Variants in LRRC9 observed in about 807,000 individuals in gnomAD.
LRRC9 encodes leucine-rich repeat-containing protein 9.
LRRC9 carries 122 observed loss-of-function variants against 63.2 expected under a neutral mutation model. That is an observed-to-expected ratio of 1.93 (90% CI 1.67 to 2.24). LRRC9 has a LOEUF of 2.24. Among genes scored for constraint, LRRC9 ranks in the 30% most tolerant of loss-of-function variants. The pLI is 0.00. For missense variants in LRRC9, 1,071 were observed against 627.7 expected (o/e 1.71, Z -7.55); for synonymous variants, 366 against 213.1 (o/e 1.72, Z -6.25).
rs1889817837 is a variant in LRRC9 at position 59,932,862 on chromosome 14, T to G, written c.543+823T>G. 6.6e-6 allele frequency among the ~76,000 whole-genome samples: 1 copy of G among 152,142 alleles called. No homozygotes were observed. ...ATGGAACCTTTAAAAATCTGTCAGA[T>G]AAAAATCACCCTTCTGCTTAAAACC... On this transcript the variant is annotated intron_variant, in intron 6 of 31. Coordinates refer to ENST00000445360, the Ensembl canonical transcript of LRRC9. The surrounding 1 kb of genome is among the most constrained non-coding windows in gnomAD (Gnocchi z 4.7).
chr14:60,030,417 T>C (rs762329533), intron 28 of LRRC9: 5 of 152,110 alleles, frequency 3.3e-5, no homozygotes, highest in Non-Finnish European at 5.9e-5. Context: ...GAAAGATTCA[T>C]TATTTAATTC....
intron 26 of LRRC9, among the ~76,000 whole-genome samples, chr14:60,022,150 G>T (rs1008450613): frequency 2.6e-5 from 4 of 151,584 alleles, no homozygotes; most frequent in Non-Finnish European, 5.9e-5. Context: ...TATTTATTTA[G>T]ATCTTTGTTA....
intron 16 of LRRC9, among the ~76,000 whole-genome samples, chr14:59,983,459 A>T (rs2140109431): frequency 6.6e-6 from 1 of 152,342 alleles, no homozygotes; most frequent in South Asian, 2.1e-4. Context: ...TGGAGCAAAT[A>T]TATATGTGAA....
intron 8 of LRRC9, among the ~76,000 whole-genome samples, chr14:59,947,003 G>C (rs1176900250): frequency 6.1e-5 from 9 of 146,948 alleles, no homozygotes; most frequent in Non-Finnish European, 6.0e-5. Flanking sequence ...ATGATTTATA[G>C]TCCTTTGGGT....
chr14:59,965,968 T>C (rs1369714935), intron 10 of LRRC9, among the ~76,000 whole-genome samples: 1 of 143,684 alleles, frequency 7.0e-6, no homozygotes, highest in East Asian at 2.1e-4. Context: ...GGTTTTGACT[T>C]AAGCTATCAG....
At chr14:59,988,725 C>G (rs1355457191) in intron 17 of LRRC9, among the ~76,000 whole-genome samples, 3 of 152,066 alleles carry the variant, frequency 2.0e-5, no homozygotes, top group Non-Finnish European at 4.4e-5. Flanking sequence ...GCTCTGTACA[C>G]TCTCCCTTTT....
At chr14:59,959,044 G>A (rs1884094577) in intron 8 of LRRC9, among the ~76,000 whole-genome samples, 1 of 152,160 alleles carries the variant, frequency 6.6e-6, no homozygotes, top group Non-Finnish European at 1.5e-5. Flanking sequence ...GACCAGAGAT[G>A]TTTCTATTCA....
chr14:59,928,939 G>A (rs1030829148), intron 3 of LRRC9, among the ~76,000 whole-genome samples: 4 of 151,888 alleles, frequency 2.6e-5, no homozygotes, highest in Admixed American at 1.3e-4. Context: ...ATGAATTAAG[G>A]ACTTAAATGT....
intron 10 of LRRC9, among the ~76,000 whole-genome samples, chr14:59,965,047 G>A (rs571007469): frequency 6.6e-6 from 1 of 152,280 alleles, no homozygotes; most frequent in South Asian, 2.1e-4. Flanking sequence ...GACCCTGGTT[G>A]ATTATGTAGG....
In LRRC9 at chr14:60,058,113, T is replaced by C. The variant is rs934200975; in HGVS notation, c.4276+91T>C. On this transcript the variant is annotated intron_variant, in intron 31 of 31. Coordinates refer to ENST00000445360, the Ensembl canonical transcript of LRRC9. This position sits in a 1 kb window ranked among gnomAD's most constrained non-coding sequence, Gnocchi z 4.4. ...ATTTCTAATAGTACTTAAAATTCCT[T>C]GTTTTTAACTTACATTTCCTAAAAT... 7 of 459,400 alleles carry C rather than the reference T, an allele frequency of 1.5e-5. No homozygotes were observed. In the East Asian group the frequency reaches 2.1e-4, roughly 14 times the overall value. 28.5% of individuals were successfully genotyped at this position (459,400 alleles called of 1,614,324 possible). A position where few individuals can be genotyped will look rare whatever the true frequency, so the allele number is the denominator to read the frequency against.
intron 28 of LRRC9, among the ~76,000 whole-genome samples, chr14:60,029,066 TC>T (rs1362802232): frequency 6.6e-6 from 1 of 152,078 alleles, no homozygotes; most frequent in Non-Finnish European, 1.5e-5. Flanking sequence ...ATTCAAACAT[TC>T]ATCTGAGAAA....
intron 10 of LRRC9, among the ~76,000 whole-genome samples, chr14:59,961,798 T>C (rs2139975285): frequency 6.6e-6 from 1 of 152,274 alleles, no homozygotes; most frequent in Non-Finnish European, 1.5e-5. Context: ...AAAATATTGT[T>C]AAGTATCACT....
intron 13 of LRRC9, 60 bp downstream of exon 13, chr14:59,974,768 A>T: frequency 1.8e-6 from 1 of 557,100 alleles, no homozygotes; most frequent in Non-Finnish European, 3.1e-6. Context: ...TTCATTAATT[A>T]TTTTTATATC....
At chr14:59,997,062 T>A (rs1888874441) in intron 17 of LRRC9, among the ~76,000 whole-genome samples, 1 of 152,120 alleles carries the variant, frequency 6.6e-6, no homozygotes, top group South Asian at 2.1e-4. Flanking sequence ...AAAAAATATG[T>A]GCATATAATA....
Position 60,023,549 on chromosome 14 carries a change from T to C in LRRC9, c.3703+679T>C, listed in dbSNP as rs540486129. 3.8e-3 allele frequency among the ~76,000 whole-genome samples: 574 copies of C among 152,208 alleles called. 2 individuals carry two copies. Among genetic ancestry groups the C allele is most frequent in the Non-Finnish European group, 7.0e-3 (473 of 67,988 alleles). On this transcript the variant is annotated intron_variant, in intron 27 of 31. Transcript: ENST00000445360. ...AGAATATGCACTTTTCTAAGAGTTATAAATCCTCTAAACATGATTAATTTG... is the reference window on the plus strand; with the variant it reads ...AGAATATGCACTTTTCTAAGAGTTACAAATCCTCTAAACATGATTAATTTG...
At chr14:59,996,254 C>A (rs1220324287) in intron 17 of LRRC9, among the ~76,000 whole-genome samples, 1 of 151,616 alleles carries the variant, frequency 6.6e-6, no homozygotes, top group African/African-American at 2.4e-5. Context: ...AATATCCTTT[C>A]GTTCAAGAAA....
At chr14:60,062,281 T>C in intron 31 of LRRC9, 102 bp downstream of exon 32, 1 of 394,964 alleles carries the variant, frequency 2.5e-6, no homozygotes, top group Non-Finnish European at 4.5e-6. Context: ...TTATGTACTA[T>C]TATATATTTA....
chr14:60,046,741 G>A (rs1893460290), intron 29 of LRRC9, among the ~76,000 whole-genome samples: 1 of 152,192 alleles, frequency 6.6e-6, no homozygotes, highest in African/African-American at 2.4e-5. Context: ...CCTTAGGATT[G>A]TCTTAACTGT....
At chr14:60,056,688 G>A (rs995734418) in intron 30 of LRRC9, among the ~76,000 whole-genome samples, 4 of 151,844 alleles carry the variant, frequency 2.6e-5, no homozygotes, top group African/African-American at 9.7e-5. Flanking sequence ...AAATAAAGGG[G>A]GTATTTCAAA....
Sources: gnomAD v4.1 joint callset for allele counts (sites outside exome capture counted in the v4.1 genomes callset) on GRCh38, gnomAD v4.1.1 for gene constraint, Gnocchi (gnomAD v3.1) non-coding constraint, MANE v1.5 for transcripts, NCBI Gene and HGNC (gene_info 2026-07-23, HGNC 2026-07-21) for gene names.